Variants in SCAI observed in about 807,000 individuals in gnomAD.
SCAI encodes suppressor of cancer cell invasion.
In SCAI, 24 loss-of-function variants were observed where a neutral mutation model predicts 92.2. The ratio of observed to expected loss-of-function variants is 0.26; its 90% confidence interval spans 0.19 to 0.37. The LOEUF is 0.37. SCAI is among the 10% of genes least tolerant of loss of function. The probability of loss-of-function intolerance (pLI) is 1.00; values close to 1 mark genes in which losing one functional copy is unlikely to be tolerated. For synonymous variants in SCAI, 261 were observed against 258.6 expected (o/e 1.01, Z -0.09); for missense variants, 450 against 736.2 (o/e 0.61, Z 4.50).
rs747133018 is a variant in SCAI at position 125,026,798 on chromosome 9, T to C, written c.512+14A>G. 6.4e-6 allele frequency: 8 copies of C among 1,241,524 alleles called. No homozygotes were observed. Among genetic ancestry groups the C allele is most frequent in the Middle Eastern group, 1.9e-4 (1 of 5,230 alleles). 76.9% of individuals were successfully genotyped at this position (1,241,524 alleles called of 1,614,324 possible). A position where few individuals can be genotyped will look rare whatever the true frequency, so the allele number is the denominator to read the frequency against. Reference sequence around the variant, plus strand: ...TTTTATCCTCATCTTTCTAAAAACATAGCAGATACATACCTGTCCTCTTTA... The same window carrying C: ...TTTTATCCTCATCTTTCTAAAAACACAGCAGATACATACCTGTCCTCTTTA... On this transcript the variant is annotated intron_variant, in intron 6 of 17. Coordinates refer to ENST00000336505, the MANE Select transcript of SCAI (RefSeq NM_001144877.3).
rs954812721 is a variant in SCAI at position 124,947,517 on chromosome 9, A to G, written c.*5290T>C. On this transcript the variant is annotated 3_prime_UTR_variant, in exon 18 of 18. Transcript: ENST00000336505. ...AATGAGATACAGCCACAACCTAATT[A>G]CAGCAGCATGAACAATGCCACTAGG... 1 of 152,216 alleles carries G rather than the reference A, an allele frequency of 6.6e-6. No homozygotes were observed. The highest frequency in any genetic ancestry group is 1.9e-4 in the East Asian group (1 of 5,200). The allele number at this position is 152,216 out of a possible 1,614,324, so 9.4% of individuals were successfully genotyped here.
chr9:124,997,344 C>A (rs1418253929), intron 13 of SCAI, among the ~76,000 whole-genome samples: 2 of 152,186 alleles, frequency 1.3e-5, no homozygotes, highest in Non-Finnish European at 2.9e-5. Context: ...AAGTCAATTT[C>A]ATGGGTCCCA....
rs764304 is a variant in SCAI at position 125,002,026 on chromosome 9, G to A, written c.1083C>T (p.Ser361=). The A allele has an allele frequency of 0.21, 335,886 of 1,608,538 alleles. 37,561 individuals are homozygous for A. The highest frequency in any genetic ancestry group is 0.22 in the Non-Finnish European group (262,746 of 1,175,082). Residue 361 remains serine, a synonymous_variant, in exon 12 of 18, where the codon AGC becomes AGT. Transcript: ENST00000336505. ...AASFKELPAN[S]VLLIYLSATG... ...TGGCCGACAGGTAAATCAGAAGCAC[G>A]CTATTGGCAGGCAGCTCCTGAAATG...
chr9:125,115,905 A>G (rs1457993030), intron 2 of SCAI, among the ~76,000 whole-genome samples: 1 of 152,196 alleles, frequency 6.6e-6, no homozygotes, highest in Non-Finnish European at 1.5e-5. Context: ...TAAAGTACAC[A>G]TATGTTGGGC....
chr9:125,142,752 C>G (rs1355440806), intron 1 of SCAI, 75 bp from the exon 2 acceptor site: 2 of 1,348,692 alleles, frequency 1.5e-6, no homozygotes, highest in Non-Finnish European at 2.1e-6. Flanking sequence ...CCGTGCCAGT[C>G]AAGAACTAAA....
At chr9:125,063,147 C>T (rs551781360) in intron 2 of SCAI, among the ~76,000 whole-genome samples, 13 of 149,868 alleles carry the variant, frequency 8.7e-5, no homozygotes, top group African/African-American at 2.7e-4. Context: ...CAGTAGCTCA[C>T]GCCTGTAATC....
chr9:125,078,441 T>C (rs1422087792), intron 2 of SCAI, among the ~76,000 whole-genome samples: 2 of 152,060 alleles, frequency 1.3e-5, no homozygotes, highest in East Asian at 1.9e-4. Flanking sequence ...GGCAGGAGAA[T>C]CGCTTGAACC....
At chr9:125,140,420 C>T (rs1360533883) in intron 2 of SCAI, among the ~76,000 whole-genome samples, 1 of 151,782 alleles carries the variant, frequency 6.6e-6, no homozygotes. Context: ...CCCAGCTAAT[C>T]GGGAGGCTGA....
At chr9:124,971,912 A>C in intron 15 of SCAI, 68 bp from the exon 16 acceptor site, 1 of 791,480 alleles carries the variant, frequency 1.3e-6, no homozygotes, top group Non-Finnish European at 1.9e-6. Flanking sequence ...CATATGAGGA[A>C]CATTTTAATA....
At chr9:125,139,650 G>A (rs1238130029) in intron 2 of SCAI, among the ~76,000 whole-genome samples, 1 of 152,120 alleles carries the variant, frequency 6.6e-6, no homozygotes, top group Non-Finnish European at 1.5e-5. Flanking sequence ...GTAAAATAAA[G>A]GCAATTTTTT....
Position 125,091,718 on chromosome 9 carries a change from A to T in SCAI, c.99-35711T>A, listed in dbSNP as rs924341460. Reference sequence around the variant, plus strand: ...AGTCCACTCACTCTTCACTTTCCAGAGCCCTATCTCACACTTTCTCTTCTC... The same window carrying T: ...AGTCCACTCACTCTTCACTTTCCAGTGCCCTATCTCACACTTTCTCTTCTC... On this transcript the variant is annotated intron_variant, in intron 2 of 17. Transcript: ENST00000336505. The surrounding 1 kb of genome is among the most constrained non-coding windows in gnomAD (Gnocchi z 4.3). 1.3e-5 allele frequency among the ~76,000 whole-genome samples: 2 copies of T among 152,150 alleles called. No individual in the cohort carries two copies. The highest frequency in any genetic ancestry group is 4.8e-5 in the African/African-American group (2 of 41,436).
At chr9:125,125,913 C>CGT (rs1272372004) in intron 2 of SCAI, among the ~76,000 whole-genome samples, 2 of 114,014 alleles carry the variant, frequency 1.8e-5, no homozygotes, top group African/African-American at 7.6e-5. Flanking sequence ...TACACGTACA[C>CGT]ACACACACAC....
At chr9:125,055,118 T>C (rs766760799) in intron 3 of SCAI, among the ~76,000 whole-genome samples, 10 of 152,136 alleles carry the variant, frequency 6.6e-5, no homozygotes, top group Non-Finnish European at 4.4e-5. Context: ...AATTGTAAAA[T>C]GTAAGATAAA....
intron 3 of SCAI, among the ~76,000 whole-genome samples, chr9:125,038,043 GC>G (rs1263490082): frequency 6.6e-6 from 1 of 152,082 alleles, no homozygotes; most frequent in Non-Finnish European, 1.5e-5. Flanking sequence ...GATCACTTGA[GC>G]CCGGAGTTCG....
rs1005094749 is a variant in SCAI at position 125,133,599 on chromosome 9, C to A, written c.98+9034G>T. 7.2e-5 allele frequency among the ~76,000 whole-genome samples: 11 copies of A among 152,134 alleles called. 1 individual carries two copies. The highest frequency in any genetic ancestry group is 2.7e-4 in the African/African-American group (11 of 41,422). On this transcript the variant is annotated intron_variant, in intron 2 of 17. Transcript: ENST00000336505. ...AAGGCAAATGAAAACCACAATGACA[C>A]GTACCAGTGTACACCCACAGAATGG...
intron 3 of SCAI, among the ~76,000 whole-genome samples, chr9:125,054,244 G>A (rs1046546687): frequency 6.6e-6 from 1 of 152,110 alleles, no homozygotes; most frequent in African/African-American, 2.4e-5. Flanking sequence ...CGAAGTGCTG[G>A]GATTATGGGC....
intron 9 of SCAI, among the ~76,000 whole-genome samples, chr9:125,004,253 A>G (rs1175757196): frequency 2.6e-5 from 4 of 152,080 alleles, no homozygotes. Context: ...CTGGTGGATG[A>G]ATTCACACGT....
intron 14 of SCAI, among the ~76,000 whole-genome samples, chr9:124,978,986 G>A (rs1006206076): frequency 2.6e-5 from 4 of 151,742 alleles, no homozygotes; most frequent in African/African-American, 9.7e-5. Context: ...TCAGCCTCCT[G>A]AGTAGCTGGG....
chr9:125,056,356 C>T (rs1053114445), intron 2 of SCAI, among the ~76,000 whole-genome samples: 1 of 152,162 alleles, frequency 6.6e-6, no homozygotes, highest in East Asian at 1.9e-4. Context: ...GTCCCAGCTA[C>T]TCAGGAGGCT....
Sources: allele counts gnomAD v4.1 joint callset (sites outside exome capture counted in the v4.1 genomes callset), GRCh38; gene constraint gnomAD v4.1.1; non-coding constraint Gnocchi (gnomAD v3.1); transcripts MANE v1.5; gene names NCBI Gene and HGNC (gene_info 2026-07-23, HGNC 2026-07-21).